ATP10B: variants seen among roughly 807,000 people sequenced by gnomAD.
ATP10B encodes the protein ATPase phospholipid transporting 10B (putative).
Under a neutral mutation model 141.2 loss-of-function variants are expected in ATP10B, and 122 were observed. The observed-to-expected ratio is 0.86, with a 90% CI of 0.75 to 1.00. The LOEUF (loss-of-function observed/expected upper bound fraction) is 1.00. ATP10B is among the 50% of genes least tolerant of loss of function. The pLI, the probability that ATP10B is intolerant of heterozygous loss-of-function variation, is 0.00. For synonymous variants in ATP10B, 685 were observed against 692.0 expected (o/e 0.99, Z 0.16); for missense variants, 1,876 against 1,825.3 (o/e 1.03, Z -0.51).
the ATP10B span, among the ~76,000 whole-genome samples, chr5:160,919,203 G>A: frequency 7.3e-5 from 7 of 95,678 alleles, no homozygotes; most frequent in Non-Finnish European, 9.6e-5. Context: ...CAGCCTGGGC[G>A]ACAGAGCGAA....
At chr5:160,773,107 T>A (rs1770028437) in intron 2 of ATP10B, among the ~76,000 whole-genome samples, 1 of 152,194 alleles carries the variant, frequency 6.6e-6, no homozygotes, top group Non-Finnish European at 1.5e-5. Flanking sequence ...ACCTTCGGGT[T>A]ACTTAGCCTC....
the ATP10B span, among the ~76,000 whole-genome samples, chr5:160,880,599 C>G: frequency 9.2e-5 from 14 of 152,112 alleles, no homozygotes; most frequent in African/African-American, 3.4e-4. Context: ...ATCAACAGCA[C>G]AGAGTGGAGA....
At position 160,603,946 on chromosome 5, in the gene ATP10B, T is replaced by C; in HGVS notation, c.3237+19A>G. The C allele has an allele frequency of 6.2e-7, 1 of 1,600,056 alleles. No homozygotes were observed. The highest frequency in any genetic ancestry group is 1.7e-4 in the Middle Eastern group (1 of 6,038). ...CAACTAAGGACCAAAGAAAGAAGAA[T>C]AGTTGCAGAGAACAATACCTGCATG... On this transcript the variant is annotated intron_variant, in intron 20 of 25. Coordinates refer to ENST00000327245, the MANE Select transcript of ATP10B (RefSeq NM_025153.3).
the ATP10B span, among the ~76,000 whole-genome samples, chr5:160,892,921 T>C: frequency 1.5e-4 from 23 of 152,156 alleles, no homozygotes; most frequent in Non-Finnish European, 2.4e-4. Flanking sequence ...TGAGATGTCA[T>C]GTAACCCGGG....
intron 22 of ATP10B, among the ~76,000 whole-genome samples, chr5:160,594,570 T>C (rs1293851926): frequency 6.6e-6 from 1 of 151,478 alleles, no homozygotes; most frequent in Non-Finnish European, 1.5e-5. Flanking sequence ...GACTAAATGC[T>C]CCAATTAAAA....
At chr5:160,629,197 G>A (rs1403812837) in intron 13 of ATP10B, among the ~76,000 whole-genome samples, 4 of 152,088 alleles carry the variant, frequency 2.6e-5, no homozygotes, top group Non-Finnish European at 5.9e-5. Context: ...AAGGGGACAA[G>A]TGCAGAGAGT....
At chr5:160,850,835 T>C (rs768328615) in intron 1 of ATP10B, among the ~76,000 whole-genome samples, 6 of 152,172 alleles carry the variant, frequency 3.9e-5, no homozygotes, top group Non-Finnish European at 5.9e-5. Context: ...TCCATATAAT[T>C]AGGCTGTAAG....
intron 10 of ATP10B, among the ~76,000 whole-genome samples, chr5:160,636,667 A>G (rs565853126): frequency 6.6e-6 from 1 of 152,266 alleles, no homozygotes; most frequent in Non-Finnish European, 1.5e-5. Flanking sequence ...GTGCATGGGT[A>G]GGGAGCCTTG....
At chr5:160,723,851 G>A (rs1321587564) in intron 2 of ATP10B, among the ~76,000 whole-genome samples, 5 of 152,084 alleles carry the variant, frequency 3.3e-5, no homozygotes, top group African/African-American at 1.2e-4. Flanking sequence ...TGTAGCATGA[G>A]TCGCAATAGA....
At chr5:160,873,689 A>G in the ATP10B span, among the ~76,000 whole-genome samples, 2 of 152,316 alleles carry the variant, frequency 1.3e-5, no homozygotes, top group East Asian at 1.9e-4. Context: ...ACTGTGCGCG[A>G]GCCAAAGCAG....
intron 1 of ATP10B, among the ~76,000 whole-genome samples, chr5:160,845,278 C>A (rs966539487): frequency 6.6e-6 from 1 of 152,126 alleles, no homozygotes; most frequent in Admixed American, 6.6e-5. Flanking sequence ...AGTTTGGGAA[C>A]CATGACTGTG....
chr5:160,876,958 A>G, the ATP10B span, among the ~76,000 whole-genome samples: 1 of 143,182 alleles, frequency 7.0e-6, no homozygotes, highest in Admixed American at 7.1e-5. Context: ...CCAGAGGTAC[A>G]AGGAAGAACT....
intron 22 of ATP10B, among the ~76,000 whole-genome samples, chr5:160,593,615 G>T (rs552931173): frequency 9.3e-4 from 141 of 152,314 alleles, no homozygotes; most frequent in African/African-American, 3.2e-3. Flanking sequence ...ACTACTCCGA[G>T]CTACAGGAGG....
intron 4 of ATP10B, 100 bp downstream of exon 4, chr5:160,688,660 T>C (rs1288090990): frequency 3.2e-6 from 2 of 625,270 alleles, no homozygotes; most frequent in Admixed American, 6.3e-5. Flanking sequence ...CAGAAAAATA[T>C]ATTGGGACAC....
rs1754471497 is a variant in ATP10B, at chr5:160,565,457, A to G, written c.4382T>C (p.Ile1461Thr). The change falls in exon 26 of 26, where the codon ATA becomes ACA. Residue 1461 changes from isoleucine (I) to threonine (T), a missense_variant. Coordinates refer to ENST00000327245, the MANE Select transcript of ATP10B (RefSeq NM_025153.3). ...TGTACAGATTTCTGCAGCTCCTCAT[A>G]TGGTCAGTGAACTCTGGGATCGGCG... ...SHRRSQSSLT[I>T] The G allele has an allele frequency of 2.5e-6, 4 of 1,613,858 alleles. No homozygotes were observed. The African/African-American group carries it at 4.0e-5, about 16-fold the overall frequency.
chr5:160,748,465 C>G (rs1767951351), intron 2 of ATP10B, among the ~76,000 whole-genome samples: 1 of 152,244 alleles, frequency 6.6e-6, no homozygotes, highest in East Asian at 1.9e-4. Context: ...ATCCACCCTT[C>G]ACACAGCCAC....
chr5:160,593,720 G>A (rs1056336850), intron 22 of ATP10B, among the ~76,000 whole-genome samples: 2 of 152,208 alleles, frequency 1.3e-5, no homozygotes, highest in Non-Finnish European at 2.9e-5. Context: ...GCTTAAAGGA[G>A]CTGATGGAGC....
intron 2 of ATP10B, among the ~76,000 whole-genome samples, chr5:160,768,945 C>T (rs1357769704): frequency 4.6e-5 from 7 of 152,174 alleles, no homozygotes; most frequent in Admixed American, 1.3e-4. Flanking sequence ...ACAGGAGCCT[C>T]AGTCTGGAGT....
intron 14 of ATP10B, 143 bp from the exon 15 acceptor site, chr5:160,621,093 T>C: frequency 3.9e-6 from 4 of 1,024,838 alleles, no homozygotes; most frequent in Non-Finnish European, 5.7e-6. Context: ...GCATTGACAA[T>C]GGTCATTTTC....
Sources: allele counts gnomAD v4.1 joint callset (sites outside exome capture counted in the v4.1 genomes callset), GRCh38; gene constraint gnomAD v4.1.1; transcripts MANE v1.5; gene names NCBI Gene and HGNC (gene_info 2026-07-23, HGNC 2026-07-21).